Variants in DLG2 observed in about 807,000 individuals in gnomAD.
DLG2 encodes the protein disks large homolog 2.
DLG2 carries 45 observed loss-of-function variants against 132.5 expected under a neutral mutation model. The observed-to-expected ratio is 0.34, with a 90% CI of 0.27 to 0.44. DLG2 has a LOEUF of 0.44. Ranked by LOEUF, DLG2 falls within the 20% of genes least tolerant of loss-of-function variation. The pLI is 1.00. For synonymous variants in DLG2, 424 were observed against 419.6 expected, an observed-to-expected ratio of 1.01 and a Z score of -0.13; for missense variants, 1,045 against 1,196.9, an observed-to-expected ratio of 0.87 and a Z score of 1.87.
In DLG2 at chr11:83,991,217, C is replaced by T. The variant is rs371805563; in HGVS notation, c.920-10575G>A. ...ATTCTCTGGATTCCAAAGACAAAAT[C>T]TGAGGTTGAAAGAAGTGATTCTGCT... On this transcript the variant is annotated intron_variant, in intron 11 of 27. Transcript: ENST00000376104. Among the ~76,000 whole-genome samples the T allele has an allele frequency of 7.9e-5, 12 of 152,292 alleles. No individual in the cohort carries two copies. In the South Asian group the frequency reaches 2.5e-3, roughly 32 times the overall value.
chr11:84,442,042 C>T (rs2099018807), intron 7 of DLG2, among the ~76,000 whole-genome samples: 1 of 152,136 alleles, frequency 6.6e-6, no homozygotes, highest in Admixed American at 6.5e-5. Context: ...AGTTTGAAAT[C>T]AGGTAATGTG....
intron 12 of DLG2, among the ~76,000 whole-genome samples, chr11:83,975,647 T>C (rs2092092482): frequency 6.6e-6 from 1 of 151,928 alleles, no homozygotes; most frequent in South Asian, 2.1e-4. Context: ...AGTTTTGTAA[T>C]AAGTATAATC....
chr11:85,352,539 A>G (rs1230652881), intron 3 of DLG2, among the ~76,000 whole-genome samples: 1 of 152,132 alleles, frequency 6.6e-6, no homozygotes, highest in Non-Finnish European at 1.5e-5. Flanking sequence ...TCTGGTGGGC[A>G]TTTAGTGCTA....
chr11:85,542,607 G>T (rs932666054), intron 3 of DLG2, among the ~76,000 whole-genome samples: 1 of 152,080 alleles, frequency 6.6e-6, no homozygotes. Flanking sequence ...ATCCTGACTT[G>T]TTGGCTCTGG....
At chr11:85,523,895 A>G (rs2074525409) in intron 3 of DLG2, among the ~76,000 whole-genome samples, 1 of 152,252 alleles carries the variant, frequency 6.6e-6, no homozygotes, top group Non-Finnish European at 1.5e-5. Flanking sequence ...AGTACTATTC[A>G]GCCCTAAAAA....
chr11:84,859,329 ATATAGGTATATATGTAGATTT>A (rs2083248561), intron 6 of DLG2, among the ~76,000 whole-genome samples: 1 of 146,568 alleles, frequency 6.8e-6, no homozygotes, highest in Admixed American at 6.9e-5. Context: ...ATATCTACAT[ATATAGGTATATATGTAGATTT>A]TATAAACATA....
At chr11:85,035,899 T>G (rs1034133281) in intron 6 of DLG2, among the ~76,000 whole-genome samples, 2 of 152,238 alleles carry the variant, frequency 1.3e-5, no homozygotes, top group African/African-American at 4.8e-5. Context: ...TGTTTATTTC[T>G]AAATATGTGT....
chr11:84,266,498 G>A (rs527323192), intron 7 of DLG2, among the ~76,000 whole-genome samples: 32 of 152,278 alleles, frequency 2.1e-4, no homozygotes, highest in African/African-American at 7.0e-4. Flanking sequence ...GAAGGAAATG[G>A]ACTAAAAATT....
intron 6 of DLG2, among the ~76,000 whole-genome samples, chr11:84,932,067 T>C (rs1374267083): frequency 6.6e-6 from 1 of 152,198 alleles, no homozygotes; most frequent in Non-Finnish European, 1.5e-5. Flanking sequence ...ATTCTGTAGG[T>C]TGTCTGTTTA....
At chr11:84,345,382 C>T (rs2098534928) in intron 7 of DLG2, among the ~76,000 whole-genome samples, 1 of 152,164 alleles carries the variant, frequency 6.6e-6, no homozygotes, top group Admixed American at 6.5e-5. Flanking sequence ...ATATTCAAGG[C>T]TGATTTTTAA....
At chr11:85,614,137 T>A (rs762433235) in intron 2 of DLG2, among the ~76,000 whole-genome samples, 3 of 152,206 alleles carry the variant, frequency 2.0e-5, no homozygotes, top group Non-Finnish European at 4.4e-5. Context: ...TATCAGTGGC[T>A]TCATTCCTGA....
rs1420547748 is a variant in DLG2 at position 85,212,678 on chromosome 11, TCTA to T, written c.187-58030_187-58028del. Among the ~76,000 whole-genome samples, 3 of 152,110 alleles carry T rather than the reference TCTA, an allele frequency of 2.0e-5. No homozygotes were observed. The East Asian group carries it at 5.8e-4, about 29-fold the overall frequency. On this transcript the variant is annotated intron_variant, in intron 4 of 27. Coordinates refer to ENST00000376104, the MANE Select transcript of DLG2 (RefSeq NM_001142699.3). ...CAAAAAATATCAAAGCACTCTCACA[TCTA>T]CTATCTCCTTATTTTCCCTCACTAT...
intron 6 of DLG2, among the ~76,000 whole-genome samples, chr11:84,673,520 G>A (rs540822539): frequency 4.0e-5 from 6 of 149,992 alleles, no homozygotes; most frequent in Admixed American, 3.3e-4. Context: ...GCATATGTGT[G>A]ATATTATTAT....
intron 7 of DLG2, among the ~76,000 whole-genome samples, chr11:84,458,832 T>C (rs1441956970): frequency 1.3e-5 from 2 of 150,672 alleles, no homozygotes; most frequent in Non-Finnish European, 1.5e-5. Context: ...TAAGTTGGTA[T>C]TTAATTATAA....
chr11:84,234,869 G>A (rs889329979), intron 8 of DLG2, among the ~76,000 whole-genome samples: 1 of 152,174 alleles, frequency 6.6e-6, no homozygotes, highest in Non-Finnish European at 1.5e-5. Context: ...CTCTTATGGG[G>A]AAAATCTACA....
intron 6 of DLG2, among the ~76,000 whole-genome samples, chr11:84,687,993 G>C (rs752418502): frequency 1.8e-4 from 27 of 152,256 alleles, no homozygotes; most frequent in Non-Finnish European, 3.8e-4. Context: ...TCCCTGTCAG[G>C]TGCAACTGAA....
At chr11:84,740,623 C>A (rs1415412540) in intron 6 of DLG2, among the ~76,000 whole-genome samples, 1 of 152,174 alleles carries the variant, frequency 6.6e-6, no homozygotes, top group Non-Finnish European at 1.5e-5. Context: ...CATCTTCATT[C>A]CACCAATCCC....
intron 11 of DLG2, among the ~76,000 whole-genome samples, chr11:84,000,174 CA>C (rs1258686098): frequency 6.6e-6 from 1 of 151,948 alleles, no homozygotes; most frequent in African/African-American, 2.4e-5. Context: ...AGATAGATAT[CA>C]TACAAAAGAA....
intron 6 of DLG2, among the ~76,000 whole-genome samples, chr11:84,904,634 C>T (rs1466552191): frequency 6.6e-6 from 1 of 152,130 alleles, no homozygotes; most frequent in East Asian, 1.9e-4. Context: ...CTATTTCCGT[C>T]ATTTAGTTTT....
Sources: allele counts gnomAD v4.1 joint callset (sites outside exome capture counted in the v4.1 genomes callset), GRCh38; gene constraint gnomAD v4.1.1; transcripts MANE v1.5; gene names NCBI Gene and HGNC (gene_info 2026-07-23, HGNC 2026-07-21).